Variants in UCHL3 observed in about 807,000 individuals in gnomAD.
UCHL3 encodes the protein ubiquitin carboxyl-terminal hydrolase isozyme L3.
In UCHL3, 22 loss-of-function variants were observed where a neutral mutation model predicts 35.8. That is an observed-to-expected ratio of 0.61 (90% CI 0.44 to 0.88). The LOEUF (loss-of-function observed/expected upper bound fraction) is 0.88, where lower values mean the gene tolerates loss of function less well. UCHL3 is among the 40% of genes least tolerant of loss of function. The pLI, the probability that UCHL3 is intolerant of heterozygous loss-of-function variation, is 0.00. For synonymous variants in UCHL3, 90 were observed against 92.8 expected (o/e 0.97, Z 0.17); for missense variants, 229 against 276.9 (o/e 0.83, Z 1.23).
At chr13:75,552,831 T>G (rs1489094497) in intron 2 of UCHL3, among the ~76,000 whole-genome samples, 1 of 152,226 alleles carries the variant, frequency 6.6e-6, no homozygotes, top group Non-Finnish European at 1.5e-5. Flanking sequence ...CCGTACTAAA[T>G]CTTCATTGTG....
chr13:75,557,643 A>G lies in UCHL3; in HGVS notation c.55-3110A>G, dbSNP rs116004356. Among the ~76,000 whole-genome samples, 836 of 152,278 alleles carry G rather than the reference A, an allele frequency of 5.5e-3. 7 individuals carry two copies. Among genetic ancestry groups the G allele is most frequent in the African/African-American group, 0.018 (746 of 41,564 alleles). On this transcript the variant is annotated intron_variant, in intron 2 of 8. Coordinates refer to ENST00000377595, the MANE Select transcript of UCHL3 (RefSeq NM_006002.5). Reference sequence around the variant, plus strand: ...TGGCTTTGCAAATGCATGTATAGATAATTATCTTTGTGAGCAGTCTGGAAA... The same window carrying G: ...TGGCTTTGCAAATGCATGTATAGATGATTATCTTTGTGAGCAGTCTGGAAA...
At chr13:75,579,897 A>G (rs760658162) in intron 6 of UCHL3, among the ~76,000 whole-genome samples, 3 of 152,186 alleles carry the variant, frequency 2.0e-5, no homozygotes, top group Non-Finnish European at 4.4e-5. Flanking sequence ...CTGTAAAGAA[A>G]ATAATTTCTG....
intron 5 of UCHL3, among the ~76,000 whole-genome samples, chr13:75,567,819 A>T (rs889502738): frequency 2.0e-5 from 3 of 152,132 alleles, no homozygotes; most frequent in Non-Finnish European, 2.9e-5. Context: ...AAGTGCTGGG[A>T]TTACAAACAT....
intron 2 of UCHL3, among the ~76,000 whole-genome samples, chr13:75,555,037 A>T (rs1220534545): frequency 6.6e-6 from 1 of 152,208 alleles, no homozygotes; most frequent in Admixed American, 6.5e-5. Flanking sequence ...GGATAATGGC[A>T]TCCAGCTCCA....
intron 6 of UCHL3, among the ~76,000 whole-genome samples, chr13:75,591,722 C>A (rs889429650): frequency 6.6e-6 from 1 of 152,092 alleles, no homozygotes; most frequent in Admixed American, 6.6e-5. Flanking sequence ...TGACCTACAG[C>A]GTGTTACTTA....
chr13:75,576,086 T>C (rs2032014386), intron 6 of UCHL3, among the ~76,000 whole-genome samples: 2 of 152,158 alleles, frequency 1.3e-5, no homozygotes, highest in Admixed American at 1.3e-4. Flanking sequence ...GCTAATTTTG[T>C]AGCAGTTCTG....
At chr13:75,600,889 C>T (rs1295064488) in intron 7 of UCHL3, among the ~76,000 whole-genome samples, 2 of 152,154 alleles carry the variant, frequency 1.3e-5, no homozygotes, top group African/African-American at 4.8e-5. Context: ...AAGGATTCAC[C>T]ATTTTAGATG....
intron 1 of UCHL3, 38 bp downstream of exon 1, chr13:75,549,900 G>T (rs1200795202): frequency 2.0e-5 from 33 of 1,614,000 alleles, no homozygotes; most frequent in Non-Finnish European, 2.7e-5. Flanking sequence ...CCGTGGGCAG[G>T]TGCAGAGGGA....
At chr13:75,561,179 C>T (rs1466220605) in intron 3 of UCHL3, among the ~76,000 whole-genome samples, 2 of 152,162 alleles carry the variant, frequency 1.3e-5, no homozygotes, top group Non-Finnish European at 2.9e-5. Context: ...GTGATCCTCC[C>T]GCATCGGTCT....
At chr13:75,591,167 C>T (rs779068967) in intron 6 of UCHL3, among the ~76,000 whole-genome samples, 3 of 152,126 alleles carry the variant, frequency 2.0e-5, no homozygotes, top group Non-Finnish European at 4.4e-5. Flanking sequence ...CTTTCCTTCC[C>T]CTTATTTACC....
chr13:75,555,477 C>T lies in UCHL3; in HGVS notation c.55-5276C>T, dbSNP rs534482476. ...GGGCCATCAACAAATATGTAGTTGTCAGATGGAAGAATGAATAGATCTTAT... is the reference window on the plus strand; with the variant it reads ...GGGCCATCAACAAATATGTAGTTGTTAGATGGAAGAATGAATAGATCTTAT... On this transcript the variant is annotated intron_variant, in intron 2 of 8. Transcript: ENST00000377595. Among the ~76,000 whole-genome samples the T allele has an allele frequency of 5.3e-5, 8 of 152,272 alleles. No individual in the cohort carries two copies. The South Asian group carries it at 1.7e-3, about 32-fold the overall frequency.
At chr13:75,592,432 A>ATG (rs1566227938) in intron 6 of UCHL3, among the ~76,000 whole-genome samples, 9 of 99,014 alleles carry the variant, frequency 9.1e-5, no homozygotes, top group African/African-American at 3.6e-4. Flanking sequence ...ATATATATAT[A>ATG]TATATATATA....
intron 6 of UCHL3, among the ~76,000 whole-genome samples, chr13:75,583,143 T>C (rs1177417275): frequency 2.0e-5 from 3 of 152,204 alleles, no homozygotes; most frequent in African/African-American, 7.2e-5. Flanking sequence ...AGAAACAATC[T>C]TTAGTATGCT....
At chr13:75,551,226 A>G (rs987463364) in intron 2 of UCHL3, among the ~76,000 whole-genome samples, 6 of 152,112 alleles carry the variant, frequency 3.9e-5, no homozygotes, top group Non-Finnish European at 7.4e-5. Context: ...ACCTGAGGTC[A>G]GGAGTTCGAG....
intron 2 of UCHL3, among the ~76,000 whole-genome samples, chr13:75,559,032 T>TATAGGGCATG (rs2031391614): frequency 2.9e-5 from 1 of 33,958 alleles, no homozygotes; most frequent in Non-Finnish European, 8.6e-5. Flanking sequence ...CCCGGACTCT[T>TATAGGGCATG]TTTTTTTTTT....
intron 5 of UCHL3, among the ~76,000 whole-genome samples, chr13:75,567,804 T>C (rs951007739): frequency 3.3e-5 from 5 of 152,248 alleles, no homozygotes; most frequent in African/African-American, 1.2e-4. Context: ...CACCTCGGCC[T>C]CCCAAAGTGC....
Position 75,586,648 on chromosome 13 carries a change from T to A in UCHL3, c.475-8267T>A, listed in dbSNP as rs114809660. Among the ~76,000 whole-genome samples, 1,435 of 152,050 alleles carry A rather than the reference T, an allele frequency of 9.4e-3. 29 individuals are homozygous for A. Among genetic ancestry groups the A allele is most frequent in the African/African-American group, 0.033 (1,355 of 41,528 alleles). On this transcript the variant is annotated intron_variant, in intron 6 of 8. Transcript: ENST00000377595. Reference sequence around the variant, plus strand: ...TTAAAAAATCAACCTTAAATTTTTTTAAAAAATTTAATTTATACAAAGAAT... The same window carrying A: ...TTAAAAAATCAACCTTAAATTTTTTAAAAAAATTTAATTTATACAAAGAAT...
chr13:75,566,501 C>T (rs930743220), intron 3 of UCHL3, among the ~76,000 whole-genome samples, 194 bp from the exon 4 acceptor site: 1 of 152,140 alleles, frequency 6.6e-6, no homozygotes, highest in Non-Finnish European at 1.5e-5. Context: ...TTTCCCCATA[C>T]CTTCACCTTC....
chr13:75,595,083 T>G (rs2274046), intron 7 of UCHL3, 93 bp downstream of exon 7: 141,531 of 963,400 alleles, frequency 0.15, 11,859 homozygotes, highest in Middle Eastern at 0.29. Flanking sequence ...TTATTGTGTT[T>G]ACTTAAATTA....
Sources: gnomAD v4.1 joint callset for allele counts (sites outside exome capture counted in the v4.1 genomes callset) on GRCh38, gnomAD v4.1.1 for gene constraint, MANE v1.5 for transcripts, NCBI Gene and HGNC (gene_info 2026-07-23, HGNC 2026-07-21) for gene names.